Variants in PDE10A observed in about 807,000 individuals in gnomAD.
The protein encoded by PDE10A is phosphodiesterase 10A.
Under a neutral mutation model 97.7 loss-of-function variants are expected in PDE10A, and 39 were observed. The observed-to-expected ratio is 0.40, with a 90% CI of 0.31 to 0.52. The LOEUF (loss-of-function observed/expected upper bound fraction) is 0.52. PDE10A is among the 20% of genes least tolerant of loss of function. The pLI, the probability that PDE10A is intolerant of heterozygous loss-of-function variation, is 0.56. For missense variants in PDE10A, 731 were observed against 1,047.8 expected (o/e 0.70, Z 4.17); for synonymous variants, 371 against 376.8 (o/e 0.98, Z 0.18).
At chr6:165,825,670 G>T (rs1053709845) in intron 1 of PDE10A, among the ~76,000 whole-genome samples, 1 of 152,212 alleles carries the variant, frequency 6.6e-6, no homozygotes, top group African/African-American at 2.4e-5. Context: ...CAGTTACCCA[G>T]CTTCCAAGGA....
At chr6:165,471,492 T>G (rs1779004245) in intron 3 of PDE10A, among the ~76,000 whole-genome samples, 1 of 152,116 alleles carries the variant, frequency 6.6e-6, no homozygotes, top group South Asian at 2.1e-4. Flanking sequence ...CATCTCCCAT[T>G]TGGAAATCTA....
intron 1 of PDE10A, among the ~76,000 whole-genome samples, chr6:165,753,303 A>G (rs1793048126): frequency 1.3e-5 from 2 of 152,348 alleles, no homozygotes; most frequent in South Asian, 2.1e-4. Context: ...CAGGGAGTCC[A>G]CGGCAGGCCA....
chr6:165,408,286 T>C (rs889503782), intron 13 of PDE10A, among the ~76,000 whole-genome samples: 3 of 152,260 alleles, frequency 2.0e-5, no homozygotes, highest in African/African-American at 4.8e-5. Flanking sequence ...TACTAATGTA[T>C]GTTCTCTAGA....
chr6:165,364,267 A>C (rs1448059705), intron 18 of PDE10A, among the ~76,000 whole-genome samples: 3 of 152,222 alleles, frequency 2.0e-5, no homozygotes, highest in African/African-American at 7.2e-5. Context: ...TAGAGCCCTC[A>C]TGAATGGGAT....
At chr6:165,805,828 G>T (rs935228664) in intron 1 of PDE10A, among the ~76,000 whole-genome samples, 2 of 151,822 alleles carry the variant, frequency 1.3e-5, no homozygotes, top group Non-Finnish European at 2.9e-5. Flanking sequence ...AGGAGGAGCC[G>T]GGCTGATGGA....
intron 1 of PDE10A, among the ~76,000 whole-genome samples, chr6:165,545,621 A>G (rs1783700948): frequency 6.6e-6 from 1 of 152,132 alleles, no homozygotes; most frequent in Non-Finnish European, 1.5e-5. Context: ...GCCAAAGGCC[A>G]CTTCAGTAAA....
intron 6 of PDE10A, among the ~76,000 whole-genome samples, chr6:165,434,989 A>G (rs962281648): frequency 2.7e-4 from 41 of 152,244 alleles, no homozygotes; most frequent in African/African-American, 9.2e-4. Flanking sequence ...ATGAATATAC[A>G]CAGTATATTT....
intron 16 of PDE10A, among the ~76,000 whole-genome samples, chr6:165,390,494 TA>T (rs374897415): frequency 6.6e-6 from 1 of 151,868 alleles, no homozygotes; most frequent in African/African-American, 2.4e-5. Flanking sequence ...AAGATGGAAG[TA>T]AAAAACTGCA....
chr6:165,658,009 A>C (rs1034177919), intron 1 of PDE10A, among the ~76,000 whole-genome samples: 1 of 152,160 alleles, frequency 6.6e-6, no homozygotes, highest in African/African-American at 2.4e-5. Context: ...ATTTACACTC[A>C]GTAGATACTC....
rs536560234 is a variant in PDE10A at position 165,612,009 on chromosome 6, T to C, written c.865+49938A>G. 9.2e-5 allele frequency among the ~76,000 whole-genome samples: 14 copies of C among 152,314 alleles called. No homozygotes were observed. The East Asian group carries it at 2.3e-3, about 25-fold the overall frequency. Reference sequence around the variant, plus strand: ...CTCCCTTGTGCTGAAACACATATGTTACCCACATGCAAAAGACAACTCAAA... The same window carrying C: ...CTCCCTTGTGCTGAAACACATATGTCACCCACATGCAAAAGACAACTCAAA... On this transcript the variant is annotated intron_variant, in intron 1 of 21. Coordinates refer to ENST00000539869, the MANE Select transcript of PDE10A (RefSeq NM_001385079.1).
chr6:165,641,743 C>T (rs1233850457), intron 1 of PDE10A, among the ~76,000 whole-genome samples: 1 of 152,240 alleles, frequency 6.6e-6, no homozygotes, highest in Non-Finnish European at 1.5e-5. Context: ...TTCCTAGATG[C>T]CCTAGATGTT....
At position 165,711,796 on chromosome 6, in the gene PDE10A, T is replaced by C. The variant is rs913998793; in HGVS notation, c.-614-168228A>G. Among the ~76,000 whole-genome samples the C allele has an allele frequency of 9.5e-4, 144 of 152,320 alleles. No individual in the cohort carries two copies. Among genetic ancestry groups the C allele is most frequent in the African/African-American group, 3.3e-3 (138 of 41,580 alleles). ...CTCAAATGCATTTTTGTGGCAGTCATGCCTGTGTTATATTGTCTGTACCTT... is the reference window on the plus strand; with the variant it reads ...CTCAAATGCATTTTTGTGGCAGTCACGCCTGTGTTATATTGTCTGTACCTT... On this transcript the variant is annotated intron_variant, in intron 1 of 19. Coordinates refer to the PDE10A transcript ENST00000366882. The surrounding 1 kb of genome is among the most constrained non-coding windows in gnomAD (Gnocchi z 4.5).
At chr6:165,393,710 T>G (rs767937952) in intron 15 of PDE10A, among the ~76,000 whole-genome samples, 1 of 152,096 alleles carries the variant, frequency 6.6e-6, no homozygotes, top group Non-Finnish European at 1.5e-5. Context: ...AAGTCACAGA[T>G]AGAAAATACA....
At chr6:165,718,655 G>A (rs951407231) in intron 1 of PDE10A, among the ~76,000 whole-genome samples, 6 of 148,324 alleles carry the variant, frequency 4.0e-5, no homozygotes, top group Non-Finnish European at 7.4e-5. Context: ...TTTTCCCCCC[G>A]GACGAGACAC....
chr6:165,413,771 C>G (rs1246804662), intron 12 of PDE10A, 84 bp from the exon 13 acceptor site: 12 of 1,066,878 alleles, frequency 1.1e-5, no homozygotes, highest in Non-Finnish European at 1.6e-5. Flanking sequence ...AATCTCCCCT[C>G]AATCTTTGCA....
chr6:165,767,819 C>G (rs1405187662), intron 1 of PDE10A, among the ~76,000 whole-genome samples: 1 of 152,206 alleles, frequency 6.6e-6, no homozygotes, highest in Non-Finnish European at 1.5e-5. Context: ...CATTCACTCT[C>G]TCTATGTTTG....
chr6:165,851,594 A>G (rs886923946), intron 1 of PDE10A, among the ~76,000 whole-genome samples: 2 of 152,204 alleles, frequency 1.3e-5, no homozygotes, highest in African/African-American at 4.8e-5. Flanking sequence ...AGGTCCTCTG[A>G]ATAGATTACT....
chr6:165,970,236 A>G (rs1319181055), intron 1 of PDE10A, among the ~76,000 whole-genome samples: 1 of 152,252 alleles, frequency 6.6e-6, no homozygotes, highest in Non-Finnish European at 1.5e-5. Context: ...AACCAAAGAG[A>G]CAAATGCTAT....
chr6:165,923,774 G>GT lies in PDE10A; in HGVS notation c.-615+63754dup, dbSNP rs10718304. On this transcript the variant is annotated intron_variant, in intron 1 of 19. Transcript: ENST00000366882. ...TATCACCACTTTAAAAATTAACTGT[G>GT]TTTTTTTTTTTAAAGAAAATTGCAC... 3.8e-3 allele frequency among the ~76,000 whole-genome samples: 574 copies of GT among 149,366 alleles called. 3 individuals carry two copies. The highest frequency in any genetic ancestry group is 6.2e-3 in the Non-Finnish European group (414 of 67,092).
Sources: gnomAD v4.1 joint callset for allele counts (sites outside exome capture counted in the v4.1 genomes callset) on GRCh38, gnomAD v4.1.1 for gene constraint, Gnocchi (gnomAD v3.1) non-coding constraint, MANE v1.5 for transcripts, NCBI Gene and HGNC (gene_info 2026-07-23, HGNC 2026-07-21) for gene names.